TEP1: variants seen among roughly 807,000 people sequenced by gnomAD.
The protein encoded by TEP1 is telomerase protein component 1.
A neutral mutation model predicts 306.3 loss-of-function variants in TEP1; 241 were observed. That is an observed-to-expected ratio of 0.79 (90% CI 0.71 to 0.88). The LOEUF is 0.88. Among genes scored for constraint, TEP1 ranks in the 40% least tolerant of loss-of-function variants. TEP1 has a pLI of 0.00. For synonymous variants in TEP1, 1,289 were observed against 1,305.5 expected (o/e 0.99, Z 0.27); for missense variants, 3,051 against 3,276.1 (o/e 0.93, Z 1.68).
rs1216150094 is a variant in TEP1 at position 20,390,687 on chromosome 14, C to T, written c.2328G>A (p.Arg776=). 7.4e-6 allele frequency: 12 copies of T among 1,614,000 alleles called. No homozygotes were observed. The South Asian group carries it at 1.3e-4, about 18-fold the overall frequency. The part of the protein sequence containing the change: ...GKYLLSLAGQ[R]VPVDRVILLG... ...CTCAGGGATTAATACTCACAGGAACCCTTTGGCCAGCCAGAGACAGCAGGT... is the reference window on the plus strand; with the variant it reads ...CTCAGGGATTAATACTCACAGGAACTCTTTGGCCAGCCAGAGACAGCAGGT... The change falls in exon 15 of 55, where the codon AGG becomes AGA. Residue 776 remains arginine, a synonymous_variant. Coordinates refer to ENST00000262715, the MANE Select transcript of TEP1 (RefSeq NM_007110.5).
intron 9 of TEP1, among the ~76,000 whole-genome samples, chr14:20,397,665 C>T (rs1340287100): frequency 6.6e-6 from 1 of 152,124 alleles, no homozygotes; most frequent in Non-Finnish European, 1.5e-5. Context: ...AAAAGATTTG[C>T]ACTGGAGATA....
At chr14:20,386,268 G>A in intron 19 of TEP1, 73 bp from the exon 20 acceptor site, 1 of 1,605,900 alleles carries the variant, frequency 6.2e-7, no homozygotes, top group Non-Finnish European at 8.5e-7. Flanking sequence ...CACAAACAGG[G>A]AGACGGGGCC....
At chr14:20,389,764 T>C in intron 15 of TEP1, 24 bp from the exon 16 acceptor site, 1 of 1,613,490 alleles carries the variant, frequency 6.2e-7, no homozygotes, top group South Asian at 1.1e-5. Flanking sequence ...AGGGAGAAGA[T>C]GCTAGAGAAG....
At chr14:20,407,844 G>A (rs1336859650) in intron 2 of TEP1, 29 bp downstream of exon 2, 3 of 1,527,220 alleles carry the variant, frequency 2.0e-6, no homozygotes, top group South Asian at 1.2e-5. Flanking sequence ...GACATGGCTG[G>A]AGTCAAGATG....
Position 20,380,273 on chromosome 14 carries a change from T to A in TEP1, c.4965A>T (p.Arg1655=), listed in dbSNP as rs1234684368. ...TCATGGTCCGGGGTTTATTAAGCCATCGTAGTGTGTGTTGGAGGTGCCATC... is the reference window on the plus strand; with the variant it reads ...TCATGGTCCGGGGTTTATTAAGCCAACGTAGTGTGTGTTGGAGGTGCCATC... The part of the protein sequence containing the change: ...SRRWHLQHTL[R]WLNKPRTMKN... Residue 1655 remains arginine, a synonymous_variant, in exon 34 of 55, where the codon CGA becomes CGT. Coordinates refer to ENST00000262715, the MANE Select transcript of TEP1 (RefSeq NM_007110.5). 4 of 1,614,152 alleles carry A rather than the reference T, an allele frequency of 2.5e-6. No homozygotes were observed. Among genetic ancestry groups the A allele is most frequent in the Admixed American group, 3.3e-5 (2 of 60,010 alleles).
chr14:20,378,567 G>C, intron 37 of TEP1, 32 bp from the exon 38 acceptor site: 1 of 1,613,618 alleles, frequency 6.2e-7, no homozygotes, highest in Non-Finnish European at 8.5e-7. Flanking sequence ...TCAGGATGCT[G>C]AAGAGAGATG....
Position 20,403,376 on chromosome 14 carries a change from C to T in TEP1, c.1266+1G>A. ...ATACAACCCCAGAAGAAGGGACTCA[C>T]CTTTCTCTGCTCTTCTCTGAGAAAC... On this transcript the variant is annotated splice_donor_variant, in intron 7 of 54. Transcript: ENST00000262715. LOFTEE classifies it high-confidence loss of function. 2 of 1,614,076 alleles carry T rather than the reference C, an allele frequency of 1.2e-6. No individual in the cohort carries two copies. Among genetic ancestry groups the T allele is most frequent in the South Asian group, 1.1e-5 (1 of 91,068 alleles).
chr14:20,383,681 A>G (rs2297614), intron 25 of TEP1, 37 bp from the exon 26 acceptor site: 498,320 of 1,293,584 alleles, frequency 0.39, 78,631 homozygotes, highest in South Asian at 0.5. Flanking sequence ...AGTGGGAGAG[A>G]AAAAAAAAGC....
chr14:20,382,743 G>C (rs879050443), intron 27 of TEP1, 28 bp from the exon 28 acceptor site: 1 of 1,610,620 alleles, frequency 6.2e-7, no homozygotes, highest in Non-Finnish European at 8.5e-7. Context: ...TCAGGGTGGG[G>C]TCCAGGAGGG....
Position 20,395,475 on chromosome 14 carries a change from C to A in TEP1, c.1903G>T (p.Glu635Ter). ...CTGGCCTTGTGTACTCTCAGCTTCTCCCTCTTGAGCTGCTCATACAACACA... is the reference window on the plus strand; with the variant it reads ...CTGGCCTTGTGTACTCTCAGCTTCTACCTCTTGAGCTGCTCATACAACACA... ...IPVLYEQLKR[E>*]KLRVHKARQW... Residue 635 changes from glutamate (E) to a stop codon, truncating the protein, a stop_gained, in exon 12 of 55, where the codon GAG becomes TAG. Coordinates refer to ENST00000262715, the MANE Select transcript of TEP1 (RefSeq NM_007110.5). LOFTEE classifies it high-confidence loss of function. 6.2e-7 allele frequency: 1 copy of A among 1,601,164 alleles called. No individual in the cohort carries two copies. Among genetic ancestry groups the A allele is most frequent in the Non-Finnish European group, 8.5e-7 (1 of 1,170,030 alleles).
chr14:20,373,852 A>C, intron 44 of TEP1, 42 bp from the exon 45 acceptor site: 1 of 1,592,194 alleles, frequency 6.3e-7, no homozygotes, highest in Non-Finnish European at 8.6e-7. Context: ...CATATTGAGC[A>C]GGACATGGGA....
At chr14:20,382,100 A>G (rs918515194) in intron 29 of TEP1, 37 bp from the exon 30 acceptor site, 1 of 1,612,574 alleles carries the variant, frequency 6.2e-7, no homozygotes, top group Non-Finnish European at 8.5e-7. Context: ...TCATCTAACC[A>G]TACGGTGTCC....
chr14:20,403,694 G>T (rs778309761), intron 6 of TEP1, 29 bp downstream of exon 6: 5 of 1,612,666 alleles, frequency 3.1e-6, no homozygotes, highest in South Asian at 1.1e-5. Context: ...GAAAAGGGGC[G>T]TGGGTCGAGG....
intron 12 of TEP1, among the ~76,000 whole-genome samples, chr14:20,395,096 A>ACAAACATGT (rs1417375165): frequency 6.6e-6 from 1 of 152,198 alleles, no homozygotes; most frequent in East Asian, 1.9e-4. Context: ...AAAAAGAAAA[A>ACAAACATGT]CAAACATGTC....
chr14:20,377,168 C>T (rs2139027175), intron 41 of TEP1, 112 bp downstream of exon 41: 1 of 886,168 alleles, frequency 1.1e-6, no homozygotes, highest in Non-Finnish European at 1.7e-6. Flanking sequence ...TGAGCCGAGA[C>T]CGTACCACTG....
rs1313250897 is a variant in TEP1 at position 20,378,859 on chromosome 14, C to G, written c.5253-6G>C. On this transcript the variant is annotated splice_polypyrimidine_tract_variant and splice_region_variant and intron_variant, in intron 36 of 54. Transcript: ENST00000262715. Reference sequence around the variant, plus strand: ...GAGCCTTAGTCTGCAGCACCCTATCCCAGGAAGATGAAGTCAGTCCTCTGG... The same window carrying G: ...GAGCCTTAGTCTGCAGCACCCTATCGCAGGAAGATGAAGTCAGTCCTCTGG... The G allele has an allele frequency of 6.2e-7, 1 of 1,614,186 alleles. No homozygotes were observed. Among genetic ancestry groups the G allele is most frequent in the East Asian group, 2.2e-5 (1 of 44,886 alleles).
intron 35 of TEP1, 49 bp downstream of exon 35, chr14:20,379,881 C>G: frequency 6.3e-7 from 1 of 1,577,140 alleles, no homozygotes; most frequent in Non-Finnish European, 8.6e-7. Context: ...TCAGGGCAGT[C>G]TGCATGGATT....
chr14:20,386,015 C>T (rs1877110119), intron 20 of TEP1, 60 bp downstream of exon 20: 1 of 1,527,530 alleles, frequency 6.5e-7, no homozygotes, highest in Non-Finnish European at 8.7e-7. Flanking sequence ...GTGGCTTCTC[C>T]CAGCCTCTGC....
chr14:20,378,945 G>C (rs1178097043), intron 36 of TEP1, 36 bp downstream of exon 36: 2 of 1,613,828 alleles, frequency 1.2e-6, no homozygotes, highest in African/African-American at 2.7e-5. Context: ...AATGGGGAAG[G>C]CCCTCATTCC....
Sources: gnomAD v4.1 joint callset for allele counts (sites outside exome capture counted in the v4.1 genomes callset) on GRCh38, gnomAD v4.1.1 for gene constraint, MANE v1.5 for transcripts, NCBI Gene and HGNC (gene_info 2026-07-23, HGNC 2026-07-21) for gene names.